The following PAX7 variants were observed in gnomAD, a reference collection of about 807,000 sequenced individuals.
The protein encoded by PAX7 is paired box protein Pax-7.
In PAX7, 18 loss-of-function variants were observed where a neutral mutation model predicts 50.7. The observed-to-expected ratio is 0.36, with a 90% CI of 0.25 to 0.53. The LOEUF is 0.53. Among genes scored for constraint, PAX7 ranks in the 20% least tolerant of loss-of-function variants. PAX7 has a pLI of 0.93. For missense variants in PAX7, 644 were observed against 702.9 expected, an observed-to-expected ratio of 0.92 and a Z score of 0.95; for synonymous variants, 310 against 290.4, an observed-to-expected ratio of 1.07 and a Z score of -0.69.
chr1:18,744,670 A>ATGGG, intron 8 of PAX7, 144 bp from the exon 9 acceptor site: 1 of 594,894 alleles, frequency 1.7e-6, no homozygotes, highest in African/African-American at 3.1e-5. Flanking sequence ...GGATGGATGG[A>ATGGG]TGGATGGATG....
intron 4 of PAX7, among the ~76,000 whole-genome samples, chr1:18,667,333 G>A (rs769328045): frequency 4.6e-5 from 7 of 151,628 alleles, no homozygotes; most frequent in African/African-American, 1.2e-4. Flanking sequence ...GGTTTTGCCC[G>A]CATCTTCAGA....
At chr1:18,733,942 A>T (rs1332992126) in intron 7 of PAX7, among the ~76,000 whole-genome samples, 5 of 152,142 alleles carry the variant, frequency 3.3e-5, no homozygotes, top group Admixed American at 3.3e-4. Flanking sequence ...TTGCCCCACA[A>T]ATCTCTGTGG....
intron 4 of PAX7, among the ~76,000 whole-genome samples, chr1:18,662,568 GTTTTGTTTTGT>G (rs1191317542): frequency 6.6e-6 from 1 of 151,950 alleles, no homozygotes; most frequent in African/African-American, 2.4e-5. Context: ...TTGTTTGTTT[GTTTTGTTTTGT>G]TTTTGTTTTG....
At chr1:18,661,685 T>G (rs750492633) in intron 4 of PAX7, among the ~76,000 whole-genome samples, 1 of 152,258 alleles carries the variant, frequency 6.6e-6, no homozygotes, top group Non-Finnish European at 1.5e-5. Context: ...AGTATGGGCC[T>G]GGAGCCCATG....
chr1:18,700,581 G>T lies in PAX7; in HGVS notation c.787-72G>T. The T allele has an allele frequency of 7.2e-7, 1 of 1,382,574 alleles. No individual in the cohort carries two copies. The highest frequency in any genetic ancestry group is 9.6e-7 in the Non-Finnish European group (1 of 1,038,414). The allele number at this position is 1,382,574 out of a possible 1,614,324, so 85.6% of individuals were successfully genotyped here. On this transcript the variant is annotated intron_variant, in intron 5 of 8. Coordinates refer to ENST00000420770, the MANE Select transcript of PAX7 (RefSeq NM_001135254.2). This position sits in a 1 kb window ranked among gnomAD's most constrained non-coding sequence, Gnocchi z 4.8. ...AGAGGGTGATGGCTTGGGCAACTGG[G>T]TCTACATGTGTTGCAGCTCTCTGCC...
At chr1:18,716,878 TC>T (rs1271272368) in intron 7 of PAX7, among the ~76,000 whole-genome samples, 6 of 151,708 alleles carry the variant, frequency 4.0e-5, no homozygotes, top group African/African-American at 7.3e-5. Context: ...CACCCCCGTG[TC>T]CCCTTTCCGA....
At chr1:18,677,446 C>T (rs1452166885) in intron 4 of PAX7, among the ~76,000 whole-genome samples, 4 of 152,198 alleles carry the variant, frequency 2.6e-5, no homozygotes, top group Admixed American at 2.6e-4. Flanking sequence ...TTGCAATGAA[C>T]ATTCACTGCT....
chr1:18,703,481 A>G (rs1380669469), intron 7 of PAX7, among the ~76,000 whole-genome samples, 185 bp downstream of exon 7: 1 of 152,248 alleles, frequency 6.6e-6, no homozygotes, highest in Non-Finnish European at 1.5e-5. Context: ...ACCAGGAGTG[A>G]CCAATTCCTG....
chr1:18,637,109 G>C (rs376280777), intron 4 of PAX7, among the ~76,000 whole-genome samples: 16 of 152,304 alleles, frequency 1.1e-4, no homozygotes, highest in African/African-American at 3.8e-4. Context: ...GGGCAGGCTG[G>C]AGTCTGAGTC....
chr1:18,674,915 G>T (rs1189401762), intron 4 of PAX7, among the ~76,000 whole-genome samples: 1 of 152,172 alleles, frequency 6.6e-6, no homozygotes, highest in African/African-American at 2.4e-5. Context: ...CTCCCTCATG[G>T]GGCCCAACAA....
chr1:18,641,927 A>C (rs1286903287), intron 4 of PAX7, among the ~76,000 whole-genome samples: 7 of 151,420 alleles, frequency 4.6e-5, no homozygotes, highest in African/African-American at 7.3e-5. Flanking sequence ...CTGAGACTGC[A>C]TCGCAGCGTT....
At chr1:18,725,303 C>T (rs1397194598) in intron 7 of PAX7, among the ~76,000 whole-genome samples, 1 of 23,514 alleles carries the variant, frequency 4.3e-5, no homozygotes, top group Non-Finnish European at 9.5e-5. Flanking sequence ...GGTGGAGACG[C>T]CCCCCCCCCG....
intron 4 of PAX7, among the ~76,000 whole-genome samples, chr1:18,659,455 G>C (rs2088570578): frequency 1.3e-5 from 2 of 152,160 alleles, no homozygotes; most frequent in Admixed American, 1.3e-4. Flanking sequence ...GGGTGCTACT[G>C]AGGGGGCCTG....
At chr1:18,728,207 G>A (rs946169906) in intron 7 of PAX7, among the ~76,000 whole-genome samples, 7 of 152,162 alleles carry the variant, frequency 4.6e-5, no homozygotes, top group African/African-American at 1.7e-4. Context: ...GGGTGGCAGT[G>A]TGTGGGTGCG....
At chr1:18,637,978 G>C (rs1351289072) in intron 4 of PAX7, among the ~76,000 whole-genome samples, 2 of 152,256 alleles carry the variant, frequency 1.3e-5, no homozygotes, top group African/African-American at 4.8e-5. Context: ...ACACCTGCCG[G>C]GGGACCCAGT....
chr1:18,662,350 G>C (rs537350597), intron 4 of PAX7, among the ~76,000 whole-genome samples: 9 of 152,324 alleles, frequency 5.9e-5, no homozygotes, highest in African/African-American at 2.2e-4. Context: ...ATGCTCATTG[G>C]TGTGGTTCCA....
chr1:18,738,898 T>C (rs946261705), intron 8 of PAX7, among the ~76,000 whole-genome samples: 2 of 152,152 alleles, frequency 1.3e-5, no homozygotes, highest in African/African-American at 4.8e-5. Context: ...TTGCACCACC[T>C]CCCTCTCCTT....
chr1:18,631,426 C>T lies in PAX7; in HGVS notation c.-178C>T. 1 of 609,978 alleles carries T rather than the reference C, an allele frequency of 1.6e-6. No individual in the cohort carries two copies. Among genetic ancestry groups the T allele is most frequent in the Non-Finnish European group, 3.0e-6 (1 of 338,980 alleles). 37.8% of individuals were successfully genotyped at this position (609,978 alleles called of 1,614,324 possible). A position where few individuals can be genotyped will look rare whatever the true frequency, so the allele number is the denominator to read the frequency against. On this transcript the variant is annotated 5_prime_UTR_variant, in exon 1 of 9. Transcript: ENST00000420770. ...CACCCCCCTCCCCAGCTTCTGGACG[C>T]GTTTGACTGCAGCCAGGGGTGGGGG...
chr1:18,741,965 A>G lies in PAX7; in HGVS notation c.1403-2849A>G, dbSNP rs545795083. Among the ~76,000 whole-genome samples the G allele has an allele frequency of 3.9e-5, 6 of 152,280 alleles. No individual in the cohort carries two copies. In the South Asian group the frequency reaches 1.2e-3, roughly 32 times the overall value. ...GATCTTTGAAGTGGTGCAGTCTCTC[A>G]GAGCCTCAGTTCCATCATCTGTAAG... On this transcript the variant is annotated intron_variant, in intron 8 of 8. Coordinates refer to ENST00000420770, the MANE Select transcript of PAX7 (RefSeq NM_001135254.2).
Sources: allele counts gnomAD v4.1 joint callset (sites outside exome capture counted in the v4.1 genomes callset), GRCh38; gene constraint gnomAD v4.1.1; non-coding constraint Gnocchi (gnomAD v3.1); transcripts MANE v1.5; gene names NCBI Gene and HGNC (gene_info 2026-07-23, HGNC 2026-07-21).